Variants in ATAD2B observed in about 807,000 individuals in gnomAD.
ATAD2B encodes the protein ATPase family AAA domain-containing protein 2B.
In ATAD2B, 40 loss-of-function variants were observed where a neutral mutation model predicts 167.6. That is an observed-to-expected ratio of 0.24 (90% CI 0.19 to 0.31). The LOEUF is 0.31. Among genes scored for constraint, ATAD2B ranks in the 10% least tolerant of loss-of-function variants. The pLI is 1.00. For synonymous variants in ATAD2B, 579 were observed against 596.5 expected, an observed-to-expected ratio of 0.97 and a Z score of 0.43; for missense variants, 1,242 against 1,757.2, an observed-to-expected ratio of 0.71 and a Z score of 5.24.
downstream of ATAD2B, among the ~76,000 whole-genome samples, chr2:23,743,771 G>A (rs903629579): frequency 6.6e-6 from 1 of 151,968 alleles, no homozygotes; most frequent in African/African-American, 2.4e-5. Flanking sequence ...AGACTATGAT[G>A]CATGCCACCA....
At chr2:23,843,001 A>AATG (rs1236892553) in intron 13 of ATAD2B, among the ~76,000 whole-genome samples, 4 of 152,208 alleles carry the variant, frequency 2.6e-5, no homozygotes, top group Admixed American at 2.6e-4. Flanking sequence ...AAAAGAACAC[A>AATG]TTCTCAAGAG....
rs1675304577 is a variant in ATAD2B at position 23,751,133 on chromosome 2, A to G, written c.*913T>C. 6.6e-6 allele frequency: 1 copy of G among 152,032 alleles called. No individual in the cohort carries two copies. The highest frequency in any genetic ancestry group is 1.5e-5 in the Non-Finnish European group (1 of 67,960). 9.4% of individuals were successfully genotyped at this position (152,032 alleles called of 1,614,324 possible). ...ACAGAAGAAAAAATGGCCACTATCTATTTATTTTCTAGTCATCATTGTTGG... is the reference window on the plus strand; with the variant it reads ...ACAGAAGAAAAAATGGCCACTATCTGTTTATTTTCTAGTCATCATTGTTGG... On this transcript the variant is annotated 3_prime_UTR_variant, in exon 28 of 28. Coordinates refer to ENST00000238789, the MANE Select transcript of ATAD2B (RefSeq NM_017552.4).
At chr2:23,850,869 A>G (rs1445626816) in intron 13 of ATAD2B, among the ~76,000 whole-genome samples, 1 of 152,232 alleles carries the variant, frequency 6.6e-6, no homozygotes, top group Non-Finnish European at 1.5e-5. Flanking sequence ...TTAAGAGTTA[A>G]GAGCTAAGGT....
At chr2:23,899,962 C>T (rs1179689808) in intron 1 of ATAD2B, among the ~76,000 whole-genome samples, 2 of 130,468 alleles carry the variant, frequency 1.5e-5, no homozygotes, top group African/African-American at 5.8e-5. Context: ...CTAGCTCTGT[C>T]GCCCAGGCTG....
chr2:23,804,978 A>G (rs1195721025), intron 18 of ATAD2B, among the ~76,000 whole-genome samples: 1 of 151,922 alleles, frequency 6.6e-6, no homozygotes, highest in East Asian at 1.9e-4. Flanking sequence ...CCCCAACTCT[A>G]CTAAAAATAC....
intron 13 of ATAD2B, among the ~76,000 whole-genome samples, chr2:23,840,494 T>C (rs929909734): frequency 6.6e-5 from 10 of 152,252 alleles, no homozygotes; most frequent in African/African-American, 2.4e-4. Context: ...TTTTTGTCTT[T>C]ACAACACAGG....
the ATAD2B span, among the ~76,000 whole-genome samples, chr2:23,694,358 C>T: frequency 6.6e-6 from 1 of 152,214 alleles, no homozygotes; most frequent in Non-Finnish European, 1.5e-5. Flanking sequence ...CGACTTCCCT[C>T]TCCCCATCGA....
At chr2:23,842,272 C>T (rs1217127913) in intron 13 of ATAD2B, among the ~76,000 whole-genome samples, 4 of 152,030 alleles carry the variant, frequency 2.6e-5, no homozygotes, top group Non-Finnish European at 5.9e-5. Context: ...TTATACATTA[C>T]GTTTCTATTT....
chr2:23,764,857 C>G (rs1469214063), intron 23 of ATAD2B, among the ~76,000 whole-genome samples: 1 of 152,208 alleles, frequency 6.6e-6, no homozygotes, highest in Non-Finnish European at 1.5e-5. Context: ...TCCTCCTCCT[C>G]TATCACTGCC....
rs139307382 is a variant in ATAD2B at position 23,864,139 on chromosome 2, G to A, written c.1305-584C>T. Among the ~76,000 whole-genome samples the A allele has an allele frequency of 3.6e-3, 549 of 151,670 alleles. 1 individual carries two copies. The highest frequency in any genetic ancestry group is 6.6e-3 in the Non-Finnish European group (445 of 67,906). On this transcript the variant is annotated intron_variant, in intron 11 of 27. Coordinates refer to ENST00000238789, the MANE Select transcript of ATAD2B (RefSeq NM_017552.4). Reference sequence around the variant, plus strand: ...CATGCCTCAGCCTCCCGAGTAGCTGGGATTACAGAGGCATGACACCACCCC... The same window carrying A: ...CATGCCTCAGCCTCCCGAGTAGCTGAGATTACAGAGGCATGACACCACCCC...
chr2:23,825,473 T>C (rs773058941), intron 15 of ATAD2B, among the ~76,000 whole-genome samples: 17 of 152,234 alleles, frequency 1.1e-4, no homozygotes, highest in Non-Finnish European at 2.2e-4. Context: ...TGTCTCGTTT[T>C]ATTTTCTATT....
intron 1 of ATAD2B, among the ~76,000 whole-genome samples, chr2:23,913,487 A>C (rs540197872): frequency 6.6e-6 from 1 of 152,146 alleles, no homozygotes; most frequent in African/African-American, 2.4e-5. Flanking sequence ...TAAAAATACA[A>C]AAATTAGCTG....
At chr2:23,916,592 A>C (rs538598950) in intron 1 of ATAD2B, among the ~76,000 whole-genome samples, 3 of 152,208 alleles carry the variant, frequency 2.0e-5, no homozygotes, top group African/African-American at 7.2e-5. Flanking sequence ...TGTCTGGCAC[A>C]TAAGAATAAT....
At chr2:23,865,483 C>G (rs888716363) in intron 10 of ATAD2B, among the ~76,000 whole-genome samples, 1 of 150,014 alleles carries the variant, frequency 6.7e-6, no homozygotes, top group Admixed American at 6.6e-5. Context: ...GAGCTGAGAT[C>G]GCACCATTGC....
intron 22 of ATAD2B, among the ~76,000 whole-genome samples, chr2:23,773,748 A>G (rs1435461036): frequency 6.6e-6 from 1 of 152,180 alleles, no homozygotes; most frequent in African/African-American, 2.4e-5. Context: ...AAAACCCCAT[A>G]TATTGGCTTT....
chr2:23,786,669 A>G (rs1193615372), intron 20 of ATAD2B, among the ~76,000 whole-genome samples: 2 of 152,264 alleles, frequency 1.3e-5, no homozygotes, highest in African/African-American at 4.8e-5. Context: ...ATATGTGTGA[A>G]ACATGCAAAT....
At chr2:23,899,820 A>G (rs1700585720) in intron 1 of ATAD2B, among the ~76,000 whole-genome samples, 1 of 151,246 alleles carries the variant, frequency 6.6e-6, no homozygotes, top group South Asian at 2.1e-4. Flanking sequence ...TGAACTCCCA[A>G]ACTTGTGATC....
chr2:23,890,879 A>G (rs1181131415), intron 2 of ATAD2B, among the ~76,000 whole-genome samples: 2 of 152,230 alleles, frequency 1.3e-5, no homozygotes, highest in African/African-American at 4.8e-5. Context: ...TTAAGAAAAA[A>G]TCTTTAAAAA....
intron 17 of ATAD2B, among the ~76,000 whole-genome samples, chr2:23,810,870 C>T (rs761145807): frequency 6.6e-6 from 1 of 150,620 alleles, no homozygotes. Flanking sequence ...AATTAGCTGG[C>T]TGTGGTGGCG....
Sources: allele counts gnomAD v4.1 joint callset (sites outside exome capture counted in the v4.1 genomes callset), GRCh38; gene constraint gnomAD v4.1.1; transcripts MANE v1.5; gene names NCBI Gene and HGNC (gene_info 2026-07-23, HGNC 2026-07-21).